Variants in LRP1B observed in about 807,000 individuals in gnomAD.
LRP1B encodes low-density lipoprotein receptor-related protein 1B.
In LRP1B, 217 loss-of-function variants were observed where a neutral mutation model predicts 556.6. That is an observed-to-expected ratio of 0.39 (90% CI 0.35 to 0.44). The LOEUF (loss-of-function observed/expected upper bound fraction) is 0.44, where lower values mean the gene tolerates loss of function less well. LRP1B is among the 20% of genes least tolerant of loss of function. The pLI is 1.00. For missense variants in LRP1B, 5,053 were observed against 5,620.8 expected (o/e 0.90, Z 3.23); for synonymous variants, 2,047 against 1,865.8 (o/e 1.10, Z -2.50).
chr2:140,243,260 C>T (rs543257137), intron 87 of LRP1B, among the ~76,000 whole-genome samples: 86 of 150,614 alleles, frequency 5.7e-4, no homozygotes, highest in Non-Finnish European at 1.1e-3. Context: ...GTTGATAACT[C>T]ATGTCAAGGA....
rs1049915454 is a variant in LRP1B at position 140,335,611 on chromosome 2, C to T, written c.12116+4G>A. The T allele has an allele frequency of 6.5e-7, 1 of 1,548,178 alleles. No individual in the cohort carries two copies. Among genetic ancestry groups the T allele is most frequent in the African/African-American group, 1.4e-5 (1 of 73,634 alleles). Reference sequence around the variant, plus strand: ...GAAATAGAAATACTAAGCCATTAACCTACCCTCTTTTAGGATTTACTGCAA... The same window carrying T: ...GAAATAGAAATACTAAGCCATTAACTTACCCTCTTTTAGGATTTACTGCAA... On this transcript the variant is annotated splice_donor_region_variant and intron_variant, in intron 78 of 90. Transcript: ENST00000389484.
chr2:140,307,406 G>A (rs1056763226), intron 83 of LRP1B, among the ~76,000 whole-genome samples: 5 of 151,716 alleles, frequency 3.3e-5, no homozygotes, highest in African/African-American at 4.8e-5. Flanking sequence ...AATTATCTAT[G>A]CTTAGGCTAT....
chr2:140,561,878 A>G (rs1214653794), intron 43 of LRP1B, among the ~76,000 whole-genome samples: 1 of 152,074 alleles, frequency 6.6e-6, no homozygotes, highest in Non-Finnish European at 1.5e-5. Flanking sequence ...AACACTATAT[A>G]AAAAATAATA....
At chr2:140,382,671 G>A (rs941427613) in intron 67 of LRP1B, among the ~76,000 whole-genome samples, 1 of 152,160 alleles carries the variant, frequency 6.6e-6, no homozygotes, top group African/African-American at 2.4e-5. Context: ...GTAGTTGGCA[G>A]TTAATTGCCC....
intron 7 of LRP1B, among the ~76,000 whole-genome samples, chr2:141,138,507 T>C (rs1168945394): frequency 6.6e-6 from 1 of 151,550 alleles, no homozygotes; most frequent in East Asian, 1.9e-4. Flanking sequence ...TATAGAAAAT[T>C]GAATGGAATC....
At chr2:140,805,429 T>C (rs2105018024) in intron 32 of LRP1B, among the ~76,000 whole-genome samples, 1 of 152,298 alleles carries the variant, frequency 6.6e-6, no homozygotes, top group East Asian at 1.9e-4. Context: ...TTGATGGTTG[T>C]TGGAGATAGC....
intron 7 of LRP1B, among the ~76,000 whole-genome samples, chr2:141,084,367 A>G (rs1048888887): frequency 5.3e-5 from 8 of 152,192 alleles, no homozygotes; most frequent in Admixed American, 5.2e-4. Flanking sequence ...TGCCAAATGA[A>G]TTTCAGAACA....
At chr2:140,330,199 CAATAATAATAATAATAATAATAATAAT>C (rs70985089) in intron 79 of LRP1B, among the ~76,000 whole-genome samples, 2 of 137,978 alleles carry the variant, frequency 1.4e-5, no homozygotes, top group African/African-American at 5.4e-5. Context: ...GACTCTGTCT[CAATAATAATAATAATAATAATAATAAT>C]AATAATAATA....
At chr2:140,902,306 C>T (rs1573860777) in intron 23 of LRP1B, among the ~76,000 whole-genome samples, 1 of 151,946 alleles carries the variant, frequency 6.6e-6, no homozygotes, top group African/African-American at 2.4e-5. Flanking sequence ...GCTACTCTTA[C>T]AACATGCTAT....
At chr2:141,351,249 ACT>A (rs1688432937) in intron 3 of LRP1B, among the ~76,000 whole-genome samples, 1 of 152,096 alleles carries the variant, frequency 6.6e-6, no homozygotes, top group African/African-American at 2.4e-5. Flanking sequence ...TTAAGAAGTC[ACT>A]GAGTATTTCT....
At chr2:141,276,639 T>A (rs1685300167) in intron 3 of LRP1B, among the ~76,000 whole-genome samples, 1 of 70,290 alleles carries the variant, frequency 1.4e-5, no homozygotes, top group Admixed American at 1.5e-4. Flanking sequence ...ATTCTATTTT[T>A]TTCTTTCTTT....
At chr2:141,404,029 TACA>T in intron 3 of LRP1B, among the ~76,000 whole-genome samples, 1 of 152,196 alleles carries the variant, frequency 6.6e-6, no homozygotes, top group Non-Finnish European at 1.5e-5. Flanking sequence ...TGAGGTACTC[TACA>T]CAGTGGGGAT....
intron 77 of LRP1B, among the ~76,000 whole-genome samples, chr2:140,349,171 G>A (rs532085907): frequency 8.5e-5 from 13 of 152,126 alleles, no homozygotes; most frequent in African/African-American, 3.1e-4. Context: ...TGGCCTGGGG[G>A]TTGGAGACCC....
chr2:141,205,063 T>C (rs1365617653), intron 6 of LRP1B, among the ~76,000 whole-genome samples: 2 of 152,212 alleles, frequency 1.3e-5, no homozygotes, highest in Non-Finnish European at 2.9e-5. Context: ...TTTAAAAACA[T>C]TGGTTTACAT....
intron 1 of LRP1B, among the ~76,000 whole-genome samples, chr2:141,984,837 A>G (rs1702141483): frequency 1.3e-5 from 2 of 152,076 alleles, no homozygotes. Context: ...TAGCCATAAA[A>G]TCCTCCAAAA....
intron 7 of LRP1B, among the ~76,000 whole-genome samples, chr2:141,152,615 C>T (rs1422195155): frequency 1.3e-5 from 2 of 151,674 alleles, no homozygotes; most frequent in East Asian, 3.9e-4. Context: ...CCAGGGATTT[C>T]GCAGATGAGC....
chr2:140,644,480 C>A (rs1684410195), intron 41 of LRP1B, among the ~76,000 whole-genome samples: 1 of 150,608 alleles, frequency 6.6e-6, no homozygotes, highest in South Asian at 2.1e-4. Context: ...TTCACTGTAG[C>A]CTCAACCTCC....
chr2:141,489,432 A>G (rs1340459401), intron 2 of LRP1B, among the ~76,000 whole-genome samples: 5 of 152,034 alleles, frequency 3.3e-5, no homozygotes, highest in African/African-American at 1.2e-4. Flanking sequence ...GCATTATAAT[A>G]TCTGTAATTA....
intron 3 of LRP1B, among the ~76,000 whole-genome samples, chr2:141,278,019 A>G (rs1170517142): frequency 6.6e-6 from 1 of 152,172 alleles, no homozygotes; most frequent in Non-Finnish European, 1.5e-5. Context: ...AAGTAAATAT[A>G]AGAGCTCAAG....
Sources: allele counts gnomAD v4.1 joint callset (sites outside exome capture counted in the v4.1 genomes callset), GRCh38; gene constraint gnomAD v4.1.1; transcripts MANE v1.5; gene names NCBI Gene and HGNC (gene_info 2026-07-23, HGNC 2026-07-21).